Variants in CCDC158 observed in about 807,000 individuals in gnomAD.
CCDC158 encodes coiled-coil domain containing 158.
CCDC158 carries 116 observed loss-of-function variants against 138.6 expected under a neutral mutation model. The observed-to-expected ratio is 0.84, with a 90% CI of 0.72 to 0.98. The LOEUF is 0.98. CCDC158 is among the 50% of genes least tolerant of loss of function. The pLI, the probability that CCDC158 is intolerant of heterozygous loss-of-function variation, is 0.00. For missense variants in CCDC158, 1,265 were observed against 1,306.1 expected (o/e 0.97, Z 0.48); for synonymous variants, 436 against 442.4 (o/e 0.99, Z 0.18).
chr4:76,355,759 T>C (rs1164634528), intron 14 of CCDC158, among the ~76,000 whole-genome samples: 1 of 151,390 alleles, frequency 6.6e-6, no homozygotes, highest in Non-Finnish European at 1.5e-5. Flanking sequence ...AAACTCATAC[T>C]TACCCATGTA....
intron 3 of CCDC158, among the ~76,000 whole-genome samples, chr4:76,400,070 G>T (rs1181718254): frequency 1.3e-5 from 2 of 152,148 alleles, no homozygotes; most frequent in Non-Finnish European, 2.9e-5. Flanking sequence ...TGAGACAGAA[G>T]ACAGGGGAAG....
At chr4:76,363,185 G>T (rs1326498712) in intron 12 of CCDC158, among the ~76,000 whole-genome samples, 1 of 152,132 alleles carries the variant, frequency 6.6e-6, no homozygotes, top group Admixed American at 6.5e-5. Flanking sequence ...AGGGGCCTAT[G>T]GGACCAAACT....
intron 1 of CCDC158, among the ~76,000 whole-genome samples, chr4:76,415,132 T>G (rs1024240799): frequency 2.0e-5 from 3 of 152,186 alleles, no homozygotes; most frequent in African/African-American, 7.2e-5. Flanking sequence ...TAGAGTAAAG[T>G]TCTTGCTATG....
chr4:76,362,147 T>A lies in CCDC158; in HGVS notation c.1999A>T (p.Ser667Cys). 14 of 1,613,908 alleles carry A rather than the reference T, an allele frequency of 8.7e-6. No individual in the cohort carries two copies. The highest frequency in any genetic ancestry group is 1.2e-5 in the Non-Finnish European group (14 of 1,179,968). ...QLLNEVKTSR[S>C]ELNNLSEEYE... Reference sequence around the variant, plus strand: ...ATACCTGAAAGATTGTTTAATTCACTCCTACTTGTTTTCACCTCATTTAAT... The same window carrying A: ...ATACCTGAAAGATTGTTTAATTCACACCTACTTGTTTTCACCTCATTTAAT... The change falls in exon 13 of 25, where the codon AGT becomes TGT. Residue 667 changes from serine to cysteine, a missense_variant. Ser to Cys is a moderately radical substitution (Grantham distance 112). Coordinates refer to ENST00000682701, the MANE Select transcript of CCDC158 (RefSeq NM_001394954.1).
At chr4:76,354,757 C>A (rs1232399837) in intron 15 of CCDC158, among the ~76,000 whole-genome samples, 9 of 152,198 alleles carry the variant, frequency 5.9e-5, no homozygotes, top group Non-Finnish European at 1.2e-4. Context: ...CCATCCACAT[C>A]CGGTGTTACA....
intron 24 of CCDC158, among the ~76,000 whole-genome samples, chr4:76,314,229 A>G (rs1719159013): frequency 6.6e-6 from 1 of 152,260 alleles, no homozygotes; most frequent in African/African-American, 2.4e-5. Context: ...TTTTGTAAAT[A>G]TCTTCCATGT....
At chr4:76,320,936 CT>C (rs1396377168) in intron 24 of CCDC158, among the ~76,000 whole-genome samples, 1 of 152,156 alleles carries the variant, frequency 6.6e-6, no homozygotes, top group African/African-American at 2.4e-5. Flanking sequence ...TAAAAAGCTT[CT>C]GCATAGCAAA....
intron 18 of CCDC158, among the ~76,000 whole-genome samples, chr4:76,335,456 G>A (rs951788271): frequency 6.6e-6 from 1 of 152,100 alleles, no homozygotes; most frequent in Non-Finnish European, 1.5e-5. Flanking sequence ...TTGAGCCATT[G>A]ACATTTATTA....
intron 9 of CCDC158, chr4:76,375,684 AG>A (rs1391073820): frequency 1.4e-6 from 1 of 698,648 alleles, no homozygotes; most frequent in African/African-American, 1.8e-5. Context: ...AAATTCGTAA[AG>A]GGGAATTCTG....
intron 20 of CCDC158, among the ~76,000 whole-genome samples, chr4:76,332,014 A>T (rs1053119651): frequency 2.0e-5 from 3 of 152,178 alleles, no homozygotes; most frequent in Non-Finnish European, 4.4e-5. Flanking sequence ...TTAAGAATTC[A>T]GCTATTCAAT....
At chr4:76,397,066 A>T (rs1436505378) in intron 3 of CCDC158, among the ~76,000 whole-genome samples, 1 of 152,158 alleles carries the variant, frequency 6.6e-6, no homozygotes, top group Non-Finnish European at 1.5e-5. Flanking sequence ...ATCGGGGGCA[A>T]ACTGGTGGTG....
intron 18 of CCDC158, among the ~76,000 whole-genome samples, chr4:76,335,004 AT>A (rs1721344100): frequency 6.6e-6 from 1 of 152,238 alleles, no homozygotes. Context: ...TAATAAACCA[AT>A]ATAATATCCA....
intron 24 of CCDC158, among the ~76,000 whole-genome samples, chr4:76,318,595 G>A (rs576129195): frequency 6.6e-6 from 1 of 152,190 alleles, no homozygotes; most frequent in African/African-American, 2.4e-5. Context: ...AAAAAGGATT[G>A]GTACCCATCT....
At chr4:76,354,870 T>C (rs1352265153) in intron 15 of CCDC158, among the ~76,000 whole-genome samples, 1 of 152,196 alleles carries the variant, frequency 6.6e-6, no homozygotes, top group Non-Finnish European at 1.5e-5. Flanking sequence ...TATTGTTGTA[T>C]TTATATATTT....
intron 24 of CCDC158, among the ~76,000 whole-genome samples, chr4:76,318,812 C>T (rs1160112851): frequency 1.3e-5 from 2 of 152,036 alleles, no homozygotes. Flanking sequence ...AAGGACATAA[C>T]AAAAAAAGAA....
intron 1 of CCDC158, chr4:76,414,273 C>A (rs1174060382): frequency 1.3e-5 from 2 of 152,206 alleles, no homozygotes; most frequent in Non-Finnish European, 2.9e-5. Context: ...TATCCCAAAT[C>A]TGCTCTTTTC....
At chr4:76,359,342 C>G (rs1267247618) in intron 13 of CCDC158, among the ~76,000 whole-genome samples, 1 of 152,070 alleles carries the variant, frequency 6.6e-6, no homozygotes, top group African/African-American at 2.4e-5. Context: ...TCTACAGATA[C>G]CTGAAAATAT....
intron 1 of CCDC158, among the ~76,000 whole-genome samples, chr4:76,415,125 A>G (rs1332874519): frequency 6.6e-6 from 1 of 152,206 alleles, no homozygotes; most frequent in Non-Finnish European, 1.5e-5. Flanking sequence ...TGGGAACTAG[A>G]GTAAAGTTCT....
intron 2 of CCDC158, among the ~76,000 whole-genome samples, chr4:76,410,565 T>G (rs1253464101): frequency 6.6e-6 from 1 of 152,144 alleles, no homozygotes; most frequent in Non-Finnish European, 1.5e-5. Flanking sequence ...TGACTCAAGC[T>G]CCTAGGTTGA....
Sources: gnomAD v4.1 joint callset for allele counts (sites outside exome capture counted in the v4.1 genomes callset) on GRCh38, gnomAD v4.1.1 for gene constraint, MANE v1.5 for transcripts, NCBI Gene and HGNC (gene_info 2026-07-23, HGNC 2026-07-21) for gene names.